RFX6: variants seen among roughly 807,000 people sequenced by gnomAD.
RFX6 encodes DNA-binding protein RFX6.
Under a neutral mutation model 110.8 loss-of-function variants are expected in RFX6, and 50 were observed. The observed-to-expected ratio is 0.45, with a 90% CI of 0.36 to 0.57. The LOEUF (loss-of-function observed/expected upper bound fraction) is 0.57, where lower values mean the gene tolerates loss of function less well. Ranked by LOEUF, RFX6 falls within the 20% of genes least tolerant of loss-of-function variation. The pLI is 0.00. For synonymous variants in RFX6, 383 were observed against 411.2 expected (o/e 0.93, Z 0.83); for missense variants, 990 against 1,127.0 (o/e 0.88, Z 1.74).
In RFX6 at chr6:116,877,325, C is replaced by A. The variant is rs9489056; in HGVS notation, c.50C>A (p.Ala17Glu). 4.4e-3 allele frequency: 7,115 copies of A among 1,612,708 alleles called. 265 individuals carry two copies. The African/African-American group carries it at 0.084, about 19-fold the overall frequency. The part of the protein sequence containing the change: ...LEDTFLQAQP[A>E]PQLSPGIQED... ...GACACCTTCCTGCAGGCGCAGCCTGCGCCCCAACTGTCCCCGGGGATCCAG... is the reference window on the plus strand; with the variant it reads ...GACACCTTCCTGCAGGCGCAGCCTGAGCCCCAACTGTCCCCGGGGATCCAG... The change falls in exon 1 of 19, where the codon GCG (alanine) becomes GAG (glutamate). Residue 17 changes from alanine to glutamate, a missense_variant. By Grantham distance (107) the Ala-to-Glu change is moderately radical. This residue lies in a region of RFX6 where 175 missense variants were observed against 162.3 expected (regional missense o/e 1.08). Transcript: ENST00000332958.
chr6:116,928,045 C>A (rs367823195), intron 17 of RFX6, among the ~76,000 whole-genome samples: 1 of 149,690 alleles, frequency 6.7e-6, no homozygotes, highest in South Asian at 2.1e-4. Context: ...CCAACACCCC[C>A]GGCCTAAAGC....
At chr6:116,906,945 C>T (rs1386407249) in intron 6 of RFX6, among the ~76,000 whole-genome samples, 2 of 151,240 alleles carry the variant, frequency 1.3e-5, no homozygotes, top group African/African-American at 2.4e-5. Flanking sequence ...TGCTTTGTTC[C>T]TGATCTTTGA....
intron 6 of RFX6, among the ~76,000 whole-genome samples, chr6:116,910,476 G>C: frequency 6.6e-6 from 1 of 152,100 alleles, no homozygotes; most frequent in Admixed American, 6.5e-5. Flanking sequence ...TAAAAATTTT[G>C]CTAGTAATTA....
At chr6:116,898,376 C>T (rs1774995043) in intron 6 of RFX6, among the ~76,000 whole-genome samples, 1 of 152,072 alleles carries the variant, frequency 6.6e-6, no homozygotes, top group Non-Finnish European at 1.5e-5. Flanking sequence ...GTCACCCAGG[C>T]TGGTGTGCAG....
intron 6 of RFX6, among the ~76,000 whole-genome samples, chr6:116,904,024 T>G (rs1460052167): frequency 6.6e-6 from 1 of 152,094 alleles, no homozygotes; most frequent in Non-Finnish European, 1.5e-5. Flanking sequence ...CAGCTGTGTG[T>G]GATCATTACT....
At chr6:116,922,521 G>A (rs928365674) in intron 13 of RFX6, among the ~76,000 whole-genome samples, 27 of 151,940 alleles carry the variant, frequency 1.8e-4, no homozygotes, top group African/African-American at 6.3e-4. Context: ...TGGAAAACAT[G>A]GTTCTAAGCA....
Position 116,911,514 on chromosome 6 carries a change from G to A in RFX6, c.780+472G>A, listed in dbSNP as rs1008133025. Among the ~76,000 whole-genome samples, 12 of 152,090 alleles carry A rather than the reference G, an allele frequency of 7.9e-5. 1 individual carries two copies. The South Asian group carries it at 8.3e-4, about 11-fold the overall frequency. ...ACTTTCCTTACTTCTAAAATTCTGTGTTCTCTTATATTTGCATTTTTTAAA... is the reference window on the plus strand; with the variant it reads ...ACTTTCCTTACTTCTAAAATTCTGTATTCTCTTATATTTGCATTTTTTAAA... On this transcript the variant is annotated intron_variant, in intron 7 of 18. Transcript: ENST00000332958.
At chr6:116,909,466 T>A (rs983548903) in intron 6 of RFX6, among the ~76,000 whole-genome samples, 1 of 151,946 alleles carries the variant, frequency 6.6e-6, no homozygotes, top group Non-Finnish European at 1.5e-5. Context: ...GACAGTAACA[T>A]TCCTTGACAG....
chr6:116,924,390 G>A (rs1427432197), intron 14 of RFX6, among the ~76,000 whole-genome samples: 2 of 152,168 alleles, frequency 1.3e-5, no homozygotes, highest in South Asian at 2.1e-4. Flanking sequence ...ACTTTCATCC[G>A]TATTTTCCTT....
At chr6:116,906,828 T>C (rs1163174742) in intron 6 of RFX6, among the ~76,000 whole-genome samples, 1 of 150,424 alleles carries the variant, frequency 6.6e-6, no homozygotes, top group African/African-American at 2.4e-5. Context: ...TTCTACTTCT[T>C]CCTTTTCAAT....
chr6:116,894,229 G>A, intron 5 of RFX6, among the ~76,000 whole-genome samples, 165 bp downstream of exon 5: 1 of 152,042 alleles, frequency 6.6e-6, no homozygotes, highest in East Asian at 1.9e-4. Context: ...TAGATTACTG[G>A]GAAAATTATA....
At chr6:116,911,999 A>G (rs1006220831) in intron 7 of RFX6, among the ~76,000 whole-genome samples, 7 of 152,332 alleles carry the variant, frequency 4.6e-5, no homozygotes, top group Admixed American at 1.3e-4. Context: ...TAGGCAAAGT[A>G]TTCTTTAGAA....
intron 6 of RFX6, among the ~76,000 whole-genome samples, chr6:116,903,518 T>G (rs1273051234): frequency 2.1e-4 from 32 of 151,944 alleles, no homozygotes. Flanking sequence ...TCTCATAACT[T>G]AAAAGAGAGG....
At chr6:116,912,234 C>T (rs982651557) in intron 7 of RFX6, among the ~76,000 whole-genome samples, 12 of 151,984 alleles carry the variant, frequency 7.9e-5, no homozygotes, top group East Asian at 1.9e-4. Flanking sequence ...TTGGGTACTA[C>T]GCTCAGTATC....
chr6:116,904,028 C>T (rs1775140497), intron 6 of RFX6, among the ~76,000 whole-genome samples: 1 of 151,972 alleles, frequency 6.6e-6, no homozygotes, highest in African/African-American at 2.4e-5. Context: ...TGTGTGTGAT[C>T]ATTACTTTTG....
At chr6:116,927,898 A>G (rs758087831) in intron 17 of RFX6, among the ~76,000 whole-genome samples, 95 of 151,500 alleles carry the variant, frequency 6.3e-4, no homozygotes, top group Non-Finnish European at 1.1e-3. Context: ...ATGCATCACC[A>G]TCCCTGTCTA....
chr6:116,878,051 C>A, intron 2 of RFX6, 99 bp downstream of exon 2: 2 of 1,290,156 alleles, frequency 1.6e-6, no homozygotes, highest in Non-Finnish European at 2.2e-6. Context: ...CTTCCTCAAA[C>A]TTTTTGGGAA....
rs1774605789 is a variant in RFX6 at position 116,882,306 on chromosome 6, G to C, written c.505-61G>C. The C allele has an allele frequency of 2.6e-6, 3 of 1,174,982 alleles. No homozygotes were observed. The Admixed American group carries it at 5.1e-5, about 20-fold the overall frequency. 72.8% of individuals were successfully genotyped at this position (1,174,982 alleles called of 1,614,324 possible). Reference sequence around the variant, plus strand: ...TTACTTTCCCCAAGTAATTGGCTATGAGTGGCTTGCATTAGGACCATATAC... The same window carrying C: ...TTACTTTCCCCAAGTAATTGGCTATCAGTGGCTTGCATTAGGACCATATAC... On this transcript the variant is annotated intron_variant, in intron 3 of 18. Transcript: ENST00000332958.
intron 6 of RFX6, among the ~76,000 whole-genome samples, chr6:116,897,791 A>G (rs1370703672): frequency 1.3e-5 from 2 of 152,208 alleles, no homozygotes; most frequent in East Asian, 3.8e-4. Context: ...GCAGGAAGAA[A>G]GAGTAAAAAG....
Sources: allele counts gnomAD v4.1 joint callset (sites outside exome capture counted in the v4.1 genomes callset), GRCh38; gene constraint gnomAD v4.1.1; regional missense constraint gnomAD v4.1.1; transcripts MANE v1.5; gene names NCBI Gene and HGNC (gene_info 2026-07-23, HGNC 2026-07-21).